The following ABHD16A variants were observed in gnomAD, a reference collection of about 807,000 sequenced individuals.
ABHD16A encodes abhydrolase domain containing 16A, phospholipase.
Under a neutral mutation model 89.8 loss-of-function variants are expected in ABHD16A, and 47 were observed. The observed-to-expected ratio is 0.52, with a 90% confidence interval of 0.41 to 0.67. The LOEUF is 0.67. ABHD16A is among the 30% of genes least tolerant of loss of function. ABHD16A has a pLI of 0.00. For missense variants in ABHD16A, 580 were observed against 734.6 expected, an observed-to-expected ratio of 0.79 and a Z score of 2.43; for synonymous variants, 251 against 280.4, an observed-to-expected ratio of 0.90 and a Z score of 1.05.
intron 4 of ABHD16A, among the ~76,000 whole-genome samples, 162 bp downstream of exon 4, chr6:31,700,780 A>C (rs950846296): frequency 8.1e-6 from 1 of 123,244 alleles, no homozygotes; most frequent in South Asian, 2.7e-4. Context: ...TTATTTTTTC[A>C]TATTTATAAC....
At chr6:31,695,079 A>C (rs1232927673) in intron 5 of ABHD16A, among the ~76,000 whole-genome samples, 1 of 152,194 alleles carries the variant, frequency 6.6e-6, no homozygotes, top group East Asian at 1.9e-4. Flanking sequence ...AGCATAGTAC[A>C]GGGCATCATT....
chr6:31,689,781 T>TC, intron 11 of ABHD16A, 77 bp from the exon 12 acceptor site: 1 of 1,535,686 alleles, frequency 6.5e-7, no homozygotes, highest in Non-Finnish European at 8.8e-7. Context: ...CGTGGACCCC[T>TC]CCTGCAGCCA....
In ABHD16A at chr6:31,690,975, C is replaced by T. The variant is rs546859820; in HGVS notation, c.844-373G>A. 1.3e-5 allele frequency among the ~76,000 whole-genome samples: 2 copies of T among 152,282 alleles called. No individual in the cohort carries two copies. Among genetic ancestry groups the T allele is most frequent in the South Asian group, 4.1e-4 (2 of 4,826 alleles). ...ATTGCTCTCCCTATCCCTCTCTGAG[C>T]TCCAGTCTTATGGTCAGATAAACTG... On this transcript the variant is annotated intron_variant, in intron 9 of 19. Transcript: ENST00000395952. This position sits in a 1 kb window ranked among gnomAD's most constrained non-coding sequence, Gnocchi z 4.1.
rs1204259697 is a variant in ABHD16A, at chr6:31,690,400, G to A, written c.907+139C>T. ...ATGTAAGGTTATCAAAGCAAATGGC[G>A]AGTGGACTTTTCCCTAAAGCTGAGA... On this transcript the variant is annotated intron_variant, in intron 10 of 19. Coordinates refer to ENST00000395952, the MANE Select transcript of ABHD16A (RefSeq NM_021160.3). This position sits in a 1 kb window ranked among gnomAD's most constrained non-coding sequence, Gnocchi z 4.1. The A allele has an allele frequency of 7.5e-6, 7 of 931,632 alleles. No homozygotes were observed. Among genetic ancestry groups the A allele is most frequent in the Middle Eastern group, 2.2e-4 (1 of 4,572 alleles). 57.7% of individuals were successfully genotyped at this position (931,632 alleles called of 1,614,324 possible).
Position 31,696,953 on chromosome 6 carries a change from T to C in ABHD16A, c.424A>G (p.Asn142Asp), listed in dbSNP as rs1190295623. The change falls in exon 5 of 20, where the codon AAC becomes GAC. Residue 142 changes from asparagine (N) to aspartate (D), a missense_variant. By Grantham distance (23) the Asn-to-Asp change is conservative (BLOSUM62 1). Transcript: ENST00000395952. ...EATHRNQSSE[N>D]KRQLANYNFD... ...CTTTTCCTAGGGCCTCTCACCTTGT[T>C]TTCTGAAGACTGGTTCCGATGTGTT... The C allele has an allele frequency of 6.2e-7, 1 of 1,612,970 alleles. No homozygotes were observed. The highest frequency in any genetic ancestry group is 2.2e-5 in the East Asian group (1 of 44,888).
intron 5 of ABHD16A, among the ~76,000 whole-genome samples, chr6:31,696,091 G>T (rs1199832138): frequency 6.6e-6 from 1 of 151,862 alleles, no homozygotes; most frequent in African/African-American, 2.4e-5. Flanking sequence ...ATGAACCCGG[G>T]AGGCCGAGCT....
At position 31,690,222 on chromosome 6, in the gene ABHD16A, G is replaced by T; in HGVS notation, c.908-95C>A. 1 of 1,230,548 alleles carries T rather than the reference G, an allele frequency of 8.1e-7. No homozygotes were observed. Among genetic ancestry groups the T allele is most frequent in the Non-Finnish European group, 1.1e-6 (1 of 885,804 alleles). The allele number at this position is 1,230,548 out of a possible 1,614,324, so 76.2% of individuals were successfully genotyped here. ...AAGAGCAGAAGTACCCCCCAGCTTA[G>T]ATGCAAATAACTCCAAGCCTTCCCA... On this transcript the variant is annotated intron_variant, in intron 10 of 19. Coordinates refer to ENST00000395952, the MANE Select transcript of ABHD16A (RefSeq NM_021160.3). The surrounding 1 kb of genome is among the most constrained non-coding windows in gnomAD (Gnocchi z 4.1).
chr6:31,689,930 A>G (rs1803706346), intron 11 of ABHD16A, 148 bp downstream of exon 11: 11 of 1,137,672 alleles, frequency 9.7e-6, no homozygotes, highest in South Asian at 3.3e-5. Flanking sequence ...ATGGCTCCCA[A>G]TGCTGCCTTC....
Position 31,690,686 on chromosome 6 carries a change from G to GAGCTTGCAGGGAAGA in ABHD16A, c.844-85_844-84insTCTTCCCTGCAAGCT. 1 of 1,244,868 alleles carries GAGCTTGCAGGGAAGA rather than the reference G, an allele frequency of 8.0e-7. No individual in the cohort carries two copies. The highest frequency in any genetic ancestry group is 1.2e-6 in the Non-Finnish European group (1 of 847,084). The allele number at this position is 1,244,868 out of a possible 1,614,324, so 77.1% of individuals were successfully genotyped here. A position where few individuals can be genotyped will look rare whatever the true frequency, so the allele number is the denominator to read the frequency against. ...TTGGGCAGGGAGGGCAGCCCATGAAGAGCTTTGCAGGGAAGAGGAAAGGGC... is the reference window on the plus strand; with the variant it reads ...TTGGGCAGGGAGGGCAGCCCATGAAGAGCTTGCAGGGAAGAAGCTTTGCAGGGAAGAGGAAAGGGC... On this transcript the variant is annotated intron_variant, in intron 9 of 19. Transcript: ENST00000395952. The surrounding 1 kb of genome is among the most constrained non-coding windows in gnomAD (Gnocchi z 4.1).
intron 5 of ABHD16A, among the ~76,000 whole-genome samples, chr6:31,695,750 G>C (rs1804326034): frequency 6.6e-6 from 1 of 151,780 alleles, no homozygotes; most frequent in Non-Finnish European, 1.5e-5. Flanking sequence ...AACACTGTGG[G>C]CCAGGCACAG....
intron 5 of ABHD16A, among the ~76,000 whole-genome samples, chr6:31,696,501 T>G (rs1190772054): frequency 6.6e-6 from 1 of 151,366 alleles, no homozygotes; most frequent in Non-Finnish European, 1.5e-5. Flanking sequence ...GTGTGGGTGG[T>G]GCGTGCCTGT....
Position 31,688,872 on chromosome 6 carries a change from T to G in ABHD16A, c.1187-86A>C. On this transcript the variant is annotated intron_variant, in intron 13 of 19. Transcript: ENST00000395952. This position sits in a 1 kb window ranked among gnomAD's most constrained non-coding sequence, Gnocchi z 4.9. The stretch of plus-strand genomic sequence containing the variant: ...CTCACTATTCACGGAGAAAGAAAAC[T>G]GAGGCCCCCAGACAAAGGAGTCCTC... 2 of 1,486,008 alleles carry G rather than the reference T, an allele frequency of 1.3e-6. No individual in the cohort carries two copies. Among genetic ancestry groups the G allele is most frequent in the Admixed American group, 3.9e-5 (2 of 51,218 alleles). 92.1% of individuals were successfully genotyped at this position (1,486,008 alleles called of 1,614,324 possible).
Position 31,688,160 on chromosome 6 carries a change from A to C in ABHD16A, c.1308-57T>G, listed in dbSNP as rs1265777357. On this transcript the variant is annotated intron_variant, in intron 15 of 19. Transcript: ENST00000395952. This position sits in a 1 kb window ranked among gnomAD's most constrained non-coding sequence, Gnocchi z 4.9. Reference sequence around the variant, plus strand: ...CTGGAGGTTAGGAGGAAGGGTCTAGATACCCAGGTTTCTGGTGGGCAGAGG... The same window carrying C: ...CTGGAGGTTAGGAGGAAGGGTCTAGCTACCCAGGTTTCTGGTGGGCAGAGG... 1 of 1,605,962 alleles carries C rather than the reference A, an allele frequency of 6.2e-7. No homozygotes were observed. The highest frequency in any genetic ancestry group is 8.5e-7 in the Non-Finnish European group (1 of 1,174,254).
chr6:31,703,052 G>C, intron 1 of ABHD16A, 98 bp downstream of exon 1: 9 of 1,369,728 alleles, frequency 6.6e-6, no homozygotes, highest in Non-Finnish European at 8.5e-6. Context: ...TGACAAGCAG[G>C]CTCCCCTTAT....
Position 31,691,828 on chromosome 6 carries a change from C to T in ABHD16A, c.717G>A (p.Gln239=). 6.2e-7 allele frequency: 1 copy of T among 1,610,860 alleles called. No individual in the cohort carries two copies. The highest frequency in any genetic ancestry group is 1.7e-5 in the Admixed American group (1 of 59,966). ...CCTCTTCCACCAGTCGGGCCTGGCC[C>T]TGCAGCAGCACAGGCATGAGGGCCT... The part of the protein sequence containing the change: ...LQKALMPVLL[Q]GQARLVEECN... The change falls in exon 8 of 20, where the codon CAG becomes CAA. Residue 239 remains glutamine (Q), a synonymous_variant. Transcript: ENST00000395952.
chr6:31,692,232 A>G (rs775097741), intron 7 of ABHD16A: 6 of 297,100 alleles, frequency 2.0e-5, no homozygotes, highest in Non-Finnish European at 3.7e-5. Context: ...TTATCATCAG[A>G]TTATGATTCT....
Position 31,688,369 on chromosome 6 carries a change from C to G in ABHD16A, c.1251-64G>C, listed in dbSNP as rs142820048. 1.1e-5 allele frequency: 17 copies of G among 1,500,472 alleles called. No homozygotes were observed. The highest frequency in any genetic ancestry group is 1.7e-4 in the Middle Eastern group (1 of 5,850). 92.9% of individuals were successfully genotyped at this position (1,500,472 alleles called of 1,614,324 possible). A position where few individuals can be genotyped will look rare whatever the true frequency, so the allele number is the denominator to read the frequency against. The stretch of plus-strand genomic sequence containing the variant: ...GGAGACGGGTGACAACTGGCCCACC[C>G]CTATCCCTGCACTGGTAGCATTCTT... On this transcript the variant is annotated intron_variant, in intron 14 of 19. Transcript: ENST00000395952. The surrounding 1 kb of genome is among the most constrained non-coding windows in gnomAD (Gnocchi z 4.9).
intron 1 of ABHD16A, among the ~76,000 whole-genome samples, chr6:31,702,386 T>C (rs971682464): frequency 6.6e-6 from 1 of 152,188 alleles, no homozygotes; most frequent in Non-Finnish European, 1.5e-5. Flanking sequence ...TTTTGCTCCT[T>C]TTCCACAGCC....
intron 3 of ABHD16A, 47 bp downstream of exon 3, chr6:31,701,227 A>C (rs1229213691): frequency 3.2e-6 from 5 of 1,571,386 alleles, no homozygotes; most frequent in East Asian, 2.2e-5. Flanking sequence ...CTCATCTGCC[A>C]ACAACCTGCC....
Sources: gnomAD v4.1 joint callset for allele counts (sites outside exome capture counted in the v4.1 genomes callset) on GRCh38, gnomAD v4.1.1 for gene constraint, Gnocchi (gnomAD v3.1) non-coding constraint, MANE v1.5 for transcripts, NCBI Gene and HGNC (gene_info 2026-07-23, HGNC 2026-07-21) for gene names.